Variants in DOCK1 observed in about 807,000 individuals in gnomAD.
The protein encoded by DOCK1 is dedicator of cytokinesis 1.
Under a neutral mutation model 262.7 loss-of-function variants are expected in DOCK1, and 138 were observed. The ratio of observed to expected loss-of-function variants is 0.53; its 90% CI spans 0.46 to 0.61. The LOEUF (loss-of-function observed/expected upper bound fraction) is 0.61, where lower values mean the gene tolerates loss of function less well. Among genes scored for constraint, DOCK1 ranks in the 20% least tolerant of loss-of-function variants. The pLI is 0.00. For synonymous variants in DOCK1, 866 were observed against 867.4 expected (o/e 1.00, Z 0.03); for missense variants, 1,908 against 2,370.7 (o/e 0.80, Z 4.05).
chr10:126,977,821 GA>G, intron 2 of DOCK1, 126 bp from the exon 3 acceptor site: 1 of 917,938 alleles, frequency 1.1e-6, no homozygotes, highest in Non-Finnish European at 1.7e-6. Flanking sequence ...TAGGTTCACT[GA>G]AAAATGCTGG....
intron 27 of DOCK1, among the ~76,000 whole-genome samples, chr10:127,177,468 G>C (rs1187819406): frequency 6.6e-6 from 1 of 152,372 alleles, no homozygotes; most frequent in Non-Finnish European, 1.5e-5. Context: ...AGAGTTAAGT[G>C]TGTTGTTTGT....
At chr10:127,089,012 A>C (rs1206654800) in intron 23 of DOCK1, among the ~76,000 whole-genome samples, 1 of 151,856 alleles carries the variant, frequency 6.6e-6, no homozygotes, top group African/African-American at 2.4e-5. Flanking sequence ...TAGCTCGGTC[A>C]CTCCCCACAG....
chr10:127,411,467 C>A (rs1038250519), intron 43 of DOCK1, among the ~76,000 whole-genome samples: 7 of 152,174 alleles, frequency 4.6e-5, no homozygotes, highest in African/African-American at 1.7e-4. Flanking sequence ...CCATCCAGTG[C>A]ATCCAGGGAT....
Position 127,446,626 on chromosome 10 carries a change from C to T in DOCK1, c.5414-768C>T, listed in dbSNP as rs4751413. On this transcript the variant is annotated intron_variant, in intron 50 of 51. Transcript: ENST00000623213. The surrounding 1 kb of genome is among the most constrained non-coding windows in gnomAD (Gnocchi z 4.4). ...TGCATTTTCCTAATAAAGGATTTTT[C>T]ATCAGATGAATCCTAGGGGAAAACT... 0.28 allele frequency among the ~76,000 whole-genome samples: 42,391 copies of T among 152,016 alleles called. 6,794 individuals are homozygous for T. Among genetic ancestry groups the T allele is most frequent in the East Asian group, 0.44 (2,259 of 5,164 alleles).
intron 1 of DOCK1, among the ~76,000 whole-genome samples, chr10:126,934,347 A>G (rs1164273562): frequency 6.0e-5 from 9 of 149,096 alleles, no homozygotes; most frequent in African/African-American, 2.1e-4. Flanking sequence ...TGCTACGCTC[A>G]GGGGTAGCCT....
intron 35 of DOCK1, among the ~76,000 whole-genome samples, chr10:127,378,569 G>C (rs2065651298): frequency 6.6e-6 from 1 of 152,198 alleles, no homozygotes; most frequent in Admixed American, 6.5e-5. Flanking sequence ...AAGGGAACAG[G>C]ACTCAGCACA....
chr10:127,286,877 T>TC, intron 29 of DOCK1, among the ~76,000 whole-genome samples: 1 of 151,722 alleles, frequency 6.6e-6, no homozygotes, highest in South Asian at 2.1e-4. Flanking sequence ...TTTTTTTTTT[T>TC]CTTTTTGTTT....
intron 23 of DOCK1, among the ~76,000 whole-genome samples, chr10:127,096,118 G>T (rs1179374460): frequency 6.6e-6 from 1 of 152,214 alleles, no homozygotes; most frequent in African/African-American, 2.4e-5. Flanking sequence ...AATTTAATAA[G>T]ATATAAGGGA....
intron 27 of DOCK1, among the ~76,000 whole-genome samples, chr10:127,233,363 G>T (rs748859297): frequency 1.3e-5 from 2 of 152,084 alleles, no homozygotes; most frequent in Non-Finnish European, 2.9e-5. Context: ...CATAACAGTG[G>T]ACATGCTACA....
intron 43 of DOCK1, among the ~76,000 whole-genome samples, chr10:127,411,822 G>A (rs11017965): frequency 0.26 from 38,771 of 151,946 alleles, 5,237 homozygotes; most frequent in African/African-American, 0.33. Context: ...CCTGGGGAAC[G>A]AGAGTGAAAC....
chr10:127,247,484 G>A (rs1461385539), intron 27 of DOCK1, among the ~76,000 whole-genome samples: 1 of 152,132 alleles, frequency 6.6e-6, no homozygotes, highest in Non-Finnish European at 1.5e-5. Context: ...AGGAGAGGCT[G>A]CACACACATT....
intron 27 of DOCK1, among the ~76,000 whole-genome samples, chr10:127,230,356 A>C (rs2058796629): frequency 6.6e-6 from 1 of 152,040 alleles, no homozygotes; most frequent in African/African-American, 2.4e-5. Flanking sequence ...GACCAATTTC[A>C]AGAGGTTTTT....
intron 9 of DOCK1, 132 bp downstream of exon 9, chr10:126,999,567 T>C: frequency 1.5e-6 from 1 of 668,856 alleles, no homozygotes. Flanking sequence ...AATTTAGTAT[T>C]ACTAAGTAGA....
At chr10:127,431,992 G>A (rs2134635777) in intron 47 of DOCK1, among the ~76,000 whole-genome samples, 1 of 152,270 alleles carries the variant, frequency 6.6e-6, no homozygotes, top group South Asian at 2.1e-4. Flanking sequence ...ATTCTCATGG[G>A]AGCATGAACT....
At chr10:127,419,513 G>A (rs1281530735) in intron 45 of DOCK1, among the ~76,000 whole-genome samples, 153 bp from the exon 46 acceptor site, 1 of 152,238 alleles carries the variant, frequency 6.6e-6, no homozygotes, top group Non-Finnish European at 1.5e-5. Context: ...TTTGTCCTGG[G>A]TGCTGCGAAG....
At chr10:127,408,226 C>T (rs371405694) in intron 40 of DOCK1, among the ~76,000 whole-genome samples, 4 of 152,132 alleles carry the variant, frequency 2.6e-5, no homozygotes, top group South Asian at 2.1e-4. Flanking sequence ...CTAGCCTAGC[C>T]GTCTATAACA....
At position 127,437,995 on chromosome 10, in the gene DOCK1, G is replaced by C. The variant is rs1489665002; in HGVS notation, c.5061-1032G>C. On this transcript the variant is annotated intron_variant, in intron 48 of 51. Transcript: ENST00000623213. This position sits in a 1 kb window ranked among gnomAD's most constrained non-coding sequence, Gnocchi z 4.4. ...GTGAGGCTCAGAGCTCCAAAGAGCA[G>C]GCTGTATTTTGAAAATGTAAGATCC... Among the ~76,000 whole-genome samples the C allele has an allele frequency of 2.6e-5, 4 of 152,206 alleles. No individual in the cohort carries two copies. Among genetic ancestry groups the C allele is most frequent in the African/African-American group, 9.6e-5 (4 of 41,454 alleles).
At position 127,452,423 on chromosome 10, in the gene DOCK1, T is replaced by C. The variant is rs2071023150; in HGVS notation, c.*996T>C. On this transcript the variant is annotated 3_prime_UTR_variant, in exon 52 of 52. Coordinates refer to ENST00000623213, the MANE Select transcript of DOCK1 (RefSeq NM_001290223.2). ...ATAACCTAATATTTGTATTCTCTCA[T>C]CTATATTTTTTTATTCACTATAATC... 1 of 152,614 alleles carries C rather than the reference T, an allele frequency of 6.6e-6. No homozygotes were observed. The highest frequency in any genetic ancestry group is 2.4e-5 in the African/African-American group (1 of 41,452). The allele number at this position is 152,614 out of a possible 1,614,324, so 9.5% of individuals were successfully genotyped here.
rs986213234 is a variant in DOCK1 at position 127,267,457 on chromosome 10, T to C, written c.3044+10028T>C. On this transcript the variant is annotated intron_variant, in intron 29 of 51. Coordinates refer to ENST00000623213, the MANE Select transcript of DOCK1 (RefSeq NM_001290223.2). ...AGATATTTTAAACTGTGTCGTCTTA[T>C]TCAGATTGCCTGTTTTAAATTTTAA... Among the ~76,000 whole-genome samples, 6 of 152,370 alleles carry C rather than the reference T, an allele frequency of 3.9e-5. No individual in the cohort carries two copies. The South Asian group carries it at 1.2e-3, about 32-fold the overall frequency.
Sources: allele counts gnomAD v4.1 joint callset (sites outside exome capture counted in the v4.1 genomes callset), GRCh38; gene constraint gnomAD v4.1.1; non-coding constraint Gnocchi (gnomAD v3.1); transcripts MANE v1.5; gene names NCBI Gene and HGNC (gene_info 2026-07-23, HGNC 2026-07-21).